The following BCAR3 variants were observed in gnomAD, a reference collection of about 807,000 sequenced individuals.
The protein encoded by BCAR3 is BCAR3 adaptor protein, NSP family member.
BCAR3 carries 37 observed loss-of-function variants against 80.1 expected under a neutral mutation model. The observed-to-expected ratio is 0.46, with a 90% confidence interval of 0.36 to 0.61. BCAR3 has a LOEUF of 0.61. BCAR3 is among the 20% of genes least tolerant of loss of function. BCAR3 has a pLI of 0.00. For synonymous variants in BCAR3, 389 were observed against 418.9 expected (o/e 0.93, Z 0.87); for missense variants, 978 against 1,068.2 (o/e 0.92, Z 1.18).
intron 2 of BCAR3, among the ~76,000 whole-genome samples, chr1:93,725,170 G>T (rs541012193): frequency 2.0e-5 from 3 of 152,300 alleles, no homozygotes; most frequent in South Asian, 4.1e-4. Flanking sequence ...CAGAGGCAGA[G>T]ACCCCGTCTC....
intron 3 of BCAR3, among the ~76,000 whole-genome samples, chr1:93,701,407 AG>A (rs1211167908): frequency 5.3e-5 from 8 of 152,218 alleles, no homozygotes; most frequent in African/African-American, 1.9e-4. Context: ...AGGGTTCACC[AG>A]GCTGGGGGAG....
At chr1:93,789,107 T>C (rs1257446352) in intron 2 of BCAR3, among the ~76,000 whole-genome samples, 5 of 152,148 alleles carry the variant, frequency 3.3e-5, no homozygotes, top group Non-Finnish European at 7.4e-5. Flanking sequence ...GCAATTCTCC[T>C]GTCTCAGCCT....
chr1:93,801,126 CATTTCAG>C (rs1238883895), intron 2 of BCAR3, among the ~76,000 whole-genome samples: 10 of 152,254 alleles, frequency 6.6e-5, no homozygotes, highest in Admixed American at 2.0e-4. Flanking sequence ...TTTCTATGCC[CATTTCAG>C]TATTCTGCAA....
chr1:93,845,781 C>G (rs1366445952), intron 1 of BCAR3: 1 of 152,100 alleles, frequency 6.6e-6, no homozygotes, highest in African/African-American at 2.4e-5. Flanking sequence ...CTCAGCATTC[C>G]TCTTCTGTAA....
chr1:93,584,425 C>T (rs184864614), intron 5 of BCAR3, among the ~76,000 whole-genome samples: 58 of 152,262 alleles, frequency 3.8e-4, no homozygotes, highest in African/African-American at 1.4e-3. Context: ...AAAAGTTTTA[C>T]GATACTCCCG....
intron 3 of BCAR3, among the ~76,000 whole-genome samples, chr1:93,624,133 C>A (rs1675390783): frequency 6.6e-6 from 1 of 152,166 alleles, no homozygotes; most frequent in African/African-American, 2.4e-5. Context: ...CACCTCCCAG[C>A]CAGGGGAAAG....
chr1:93,563,047 C>T (rs987243878), intron 11 of BCAR3, among the ~76,000 whole-genome samples: 2 of 152,090 alleles, frequency 1.3e-5, no homozygotes, highest in Non-Finnish European at 2.9e-5. Context: ...CCTAGGAGTT[C>T]GTTACTTGTT....
rs746072280 is a variant in BCAR3 at position 93,588,983 on chromosome 1, A to T, written c.923T>A (p.Leu308His). Residue 308 changes from leucine (L) to histidine (H), a missense_variant, in exon 5 of 12, where the codon CTC becomes CAC. Leu to His is a moderately conservative substitution (Grantham distance 99). Transcript: ENST00000260502. ...AREQNLPRGN[L>H]LRNKEKSGSQ... ...AGAGGAGGCCCTGACCTACCTGAGG[A>T]GGTTTCCCCTGGGCAAATTCTGCTC... 15 of 1,566,406 alleles carry T rather than the reference A, an allele frequency of 9.6e-6. No homozygotes were observed. The highest frequency in any genetic ancestry group is 3.5e-6 in the Non-Finnish European group (4 of 1,151,180).
intron 2 of BCAR3, among the ~76,000 whole-genome samples, chr1:93,768,269 T>TTGTG (rs112490025): frequency 0.037 from 4,694 of 126,782 alleles, 265 homozygotes; most frequent in African/African-American, 0.14. Context: ...GTGTGTGTGT[T>TTGTG]TGTGTGTGTG....
intron 2 of BCAR3, among the ~76,000 whole-genome samples, chr1:93,644,642 C>G (rs994411716): frequency 1.3e-5 from 2 of 152,188 alleles, no homozygotes; most frequent in Non-Finnish European, 1.5e-5. Flanking sequence ...TAAATCTCTT[C>G]AAATATTTTA....
intron 3 of BCAR3, among the ~76,000 whole-genome samples, chr1:93,626,973 T>C (rs1675473052): frequency 1.3e-5 from 2 of 152,254 alleles, no homozygotes; most frequent in East Asian, 1.9e-4. Flanking sequence ...AGCCATTTTC[T>C]GAAAAACGAA....
At chr1:93,808,242 A>G (rs74101573) in intron 2 of BCAR3, among the ~76,000 whole-genome samples, 19,068 of 152,006 alleles carry the variant, frequency 0.13, 1,794 homozygotes, top group African/African-American at 0.25. Flanking sequence ...ATGAATGCCC[A>G]GAACAAATGA....
chr1:93,675,925 CAAAAAAA>C (rs58706715), intron 1 of BCAR3, among the ~76,000 whole-genome samples: 37 of 51,458 alleles, frequency 7.2e-4, no homozygotes, highest in African/African-American at 1.7e-3. Context: ...AAATAGGAGA[CAAAAAAA>C]AAAAAAAAAA....
At chr1:93,789,794 T>C (rs1653078955) in intron 2 of BCAR3, among the ~76,000 whole-genome samples, 1 of 152,218 alleles carries the variant, frequency 6.6e-6, no homozygotes, top group South Asian at 2.1e-4. Context: ...TGTATCCTCA[T>C]TAGCATAGGG....
At chr1:93,629,376 C>T (rs542274193) in intron 3 of BCAR3, among the ~76,000 whole-genome samples, 116 of 152,258 alleles carry the variant, frequency 7.6e-4, no homozygotes, top group African/African-American at 2.5e-3. Flanking sequence ...TCTTGGTTAC[C>T]GGAGGTAACA....
chr1:93,772,861 C>T (rs1289509717), intron 2 of BCAR3, among the ~76,000 whole-genome samples: 1 of 152,186 alleles, frequency 6.6e-6, no homozygotes, highest in Non-Finnish European at 1.5e-5. Flanking sequence ...ACCTCAGCCT[C>T]CCAAAGTGCT....
Position 93,589,149 on chromosome 1 carries a change from T to C in BCAR3, c.757A>G (p.Ile253Val). ...CACCGCAGAGGCACCGTCCTGTTGA[T>C]GGGCTGGAAGATGATGGCGCCACTC... is the stretch of plus-strand genomic sequence containing the variant. ...QQSGAIIFQP[I>V]NRTVPLRCLE... is the part of the protein sequence containing the mutation. The change falls in exon 5 of 12, where the codon ATC becomes GTC. Residue 253 changes from isoleucine to valine, a missense_variant. Transcript: ENST00000260502. The C allele has an allele frequency of 2.5e-6, 4 of 1,613,652 alleles. No homozygotes were observed. The highest frequency in any genetic ancestry group is 1.1e-5 in the South Asian group (1 of 91,004).
chr1:93,646,133 AC>A (rs1676142879), intron 2 of BCAR3, among the ~76,000 whole-genome samples: 1 of 152,250 alleles, frequency 6.6e-6, no homozygotes, highest in Non-Finnish European at 1.5e-5. Context: ...TTAATCAGAT[AC>A]TTAAAAGACT....
chr1:93,698,511 C>A (rs2101970253), intron 3 of BCAR3, among the ~76,000 whole-genome samples: 1 of 152,284 alleles, frequency 6.6e-6, no homozygotes, highest in Admixed American at 6.5e-5. Flanking sequence ...CCCTACTCCT[C>A]CTTTAACCCC....
Sources: allele counts gnomAD v4.1 joint callset (sites outside exome capture counted in the v4.1 genomes callset), GRCh38; gene constraint gnomAD v4.1.1; transcripts MANE v1.5; gene names NCBI Gene and HGNC (gene_info 2026-07-23, HGNC 2026-07-21).